The following URGCP variants were observed in gnomAD, a reference collection of about 807,000 sequenced individuals.
URGCP encodes the protein upregulator of cell proliferation.
URGCP carries 13 observed loss-of-function variants against 24.6 expected under a neutral mutation model. That is an observed-to-expected ratio of 0.53 (90% CI 0.34 to 0.84). The LOEUF (loss-of-function observed/expected upper bound fraction) is 0.84. URGCP is among the 40% of genes least tolerant of loss of function. URGCP has a pLI of 0.01. For synonymous variants in URGCP, 444 were observed against 487.2 expected (o/e 0.91, Z 1.17); for missense variants, 899 against 1,194.3 (o/e 0.75, Z 3.64).
At position 43,918,976 on chromosome 7, in the gene URGCP, C is replaced by A; in HGVS notation, c.-116+7156G>T. On this transcript the variant is annotated intron_variant, in intron 1 of 5. Transcript: ENST00000426198. Reference sequence around the variant, plus strand: ...TACAACCCAGAGAACATCTACCTGTCGGAGCATGGGGGAAGAGCTGGCAAC... The same window carrying A: ...TACAACCCAGAGAACATCTACCTGTAGGAGCATGGGGGAAGAGCTGGCAAC... 5 of 1,307,470 alleles carry A rather than the reference C, an allele frequency of 3.8e-6. No homozygotes were observed. The South Asian group carries it at 5.9e-5, about 15-fold the overall frequency. The allele number at this position is 1,307,470 out of a possible 1,614,324, so 81.0% of individuals were successfully genotyped here.
At chr7:43,916,281 C>T (rs897957073) in intron 1 of URGCP, among the ~76,000 whole-genome samples, 2 of 152,164 alleles carry the variant, frequency 1.3e-5, no homozygotes, top group Non-Finnish European at 2.9e-5. Context: ...GGCTTCTCTA[C>T]GCTACAGGCT....
rs2095849532 is a variant in URGCP at position 43,878,786 on chromosome 7, G to A, written c.677C>T (p.Thr226Ile). ...GCCCCGCATGGCCCACAGCAGAAAT[G>A]TATGGTAGTGGTTCTCCGAGTCAGG... ...VLPDSENHYHTFLLWAMRGIV... is the reference protein window; with the variant it reads ...VLPDSENHYHIFLLWAMRGIV... Residue 226 changes from threonine (T) to isoleucine (I), a missense_variant, in exon 6 of 6, where the codon ACA (threonine) becomes ATA (isoleucine). Transcript: ENST00000453200. This position sits in a 1 kb window ranked among gnomAD's most constrained non-coding sequence, Gnocchi z 5.6. The A allele has an allele frequency of 1.2e-6, 2 of 1,614,072 alleles. No homozygotes were observed. The highest frequency in any genetic ancestry group is 1.7e-6 in the Non-Finnish European group (2 of 1,179,970).
intron 1 of URGCP, among the ~76,000 whole-genome samples, chr7:43,920,677 T>C (rs2095921271): frequency 6.6e-6 from 1 of 152,238 alleles, no homozygotes; most frequent in South Asian, 2.1e-4. Context: ...TTCTCCATTT[T>C]GTCTTGCTAC....
Position 43,906,586 on chromosome 7 carries a change from A to T in URGCP, c.-11T>A. ...CCCGGGCGACGCCATGAGCGCAGCG[A>T]GGTCTCCGCTCCCGCCTCCTTCGCT... On this transcript the variant is annotated 5_prime_UTR_variant, in exon 1 of 6. Coordinates refer to ENST00000453200, the MANE Select transcript of URGCP (RefSeq NM_001077663.3). The T allele has an allele frequency of 8.1e-7, 1 of 1,233,782 alleles. No homozygotes were observed. The highest frequency in any genetic ancestry group is 3.5e-5 in the Admixed American group (1 of 28,292). The allele number at this position is 1,233,782 out of a possible 1,614,324, so 76.4% of individuals were successfully genotyped here. A position where few individuals can be genotyped will look rare whatever the true frequency, so the allele number is the denominator to read the frequency against.
chr7:43,877,611 G>C lies in URGCP; in HGVS notation c.1852C>G (p.Arg618Gly). 6.2e-7 allele frequency: 1 copy of C among 1,614,152 alleles called. No individual in the cohort carries two copies. Among genetic ancestry groups the C allele is most frequent in the Non-Finnish European group, 8.5e-7 (1 of 1,180,038 alleles). The change falls in exon 6 of 6, where the codon CGG becomes GGG. Residue 618 changes from arginine (R) to glycine (G), a missense_variant. By Grantham distance (125) the Arg-to-Gly change is moderately radical. Transcript: ENST00000453200. The stretch of plus-strand genomic sequence containing the variant: ...GCCTCATAAAACTGTCCCATCTCCC[G>C]CAAGAAGTGTTCCACCCCTAGGGGC... ...PEPLGVEHFL[R>G]EMGQFYEAES...
At position 43,881,980 on chromosome 7, in the gene URGCP, TAC is replaced by T; in HGVS notation, c.113-25_113-24del. On this transcript the variant is annotated intron_variant, in intron 3 of 5. Coordinates refer to ENST00000453200, the MANE Select transcript of URGCP (RefSeq NM_001077663.3). The stretch of plus-strand genomic sequence containing the variant: ...AATCTAGAAGAAAAAAGAAACCAAA[TAC>T]ATTTAGTTTCATCAGCAAGTTAGAA... The T allele has an allele frequency of 1.9e-6, 3 of 1,613,946 alleles. No homozygotes were observed. In the African/African-American group the frequency reaches 4.0e-5, roughly 22 times the overall value.
rs547243422 is a variant in URGCP at position 43,882,089 on chromosome 7, G to T, written c.113-132C>A. 710 of 1,471,538 alleles carry T rather than the reference G, an allele frequency of 4.8e-4. 7 individuals are homozygous for T. Among genetic ancestry groups the T allele is most frequent in the Middle Eastern group, 3.9e-3 (18 of 4,604 alleles). 91.2% of individuals were successfully genotyped at this position (1,471,538 alleles called of 1,614,324 possible). A position where few individuals can be genotyped will look rare whatever the true frequency, so the allele number is the denominator to read the frequency against. ...TGAACAAGAGGAGTGCTTGAGTCCA[G>T]GAGTTTGAGACCAGCCTGGGCAACA... is the stretch of plus-strand genomic sequence containing the variant. On this transcript the variant is annotated intron_variant, in intron 3 of 5. Coordinates refer to ENST00000453200, the MANE Select transcript of URGCP (RefSeq NM_001077663.3).
chr7:43,877,659 C>A lies in URGCP; in HGVS notation c.1804G>T (p.Val602Leu). ...LRPKHGGTTD[V>L]GEPLWPEPLG... is the part of the protein sequence containing the mutation. ...GGCTCAGGCCAGAGCGGCTCCCCCA[C>A]GTCTGTGGTGCCCCCATGCTTTGGT... Residue 602 changes from valine (V) to leucine (L), a missense_variant, in exon 6 of 6, where the codon GTG becomes TTG. Coordinates refer to ENST00000453200, the MANE Select transcript of URGCP (RefSeq NM_001077663.3). 1 of 1,614,122 alleles carries A rather than the reference C, an allele frequency of 6.2e-7. No homozygotes were observed. Among genetic ancestry groups the A allele is most frequent in the Non-Finnish European group, 8.5e-7 (1 of 1,180,036 alleles).
intron 3 of URGCP, among the ~76,000 whole-genome samples, chr7:43,883,232 AG>A (rs1220059506): frequency 6.6e-6 from 1 of 151,022 alleles, no homozygotes; most frequent in Non-Finnish European, 1.5e-5. Flanking sequence ...CTTAGGAAGG[AG>A]GGAGCAAGAC....
Position 43,877,837 on chromosome 7 carries a change from A to G in URGCP, c.1626T>C (p.His542=). 2.5e-6 allele frequency: 4 copies of G among 1,610,440 alleles called. 1 individual carries two copies. The highest frequency in any genetic ancestry group is 1.7e-4 in the Middle Eastern group (1 of 6,036). The part of the protein sequence containing the change: ...LLELRMQQNG[H]DPSSGVQEFI... The stretch of plus-strand genomic sequence containing the variant: ...ACTCCTGCACCCCCGAGGAGGGATC[A>G]TGGCCGTTCTGCTGCATTCGAAGTT... The change falls in exon 6 of 6, where the codon CAT becomes CAC. Residue 542 remains histidine, a synonymous_variant. Transcript: ENST00000453200.
upstream of URGCP, among the ~76,000 whole-genome samples, chr7:43,910,477 C>G (rs1426572276): frequency 1.3e-5 from 2 of 149,144 alleles, no homozygotes; most frequent in African/African-American, 5.0e-5. Flanking sequence ...CAATAACCTG[C>G]CTCAGCCTCC....
rs2095846199 is a variant in URGCP, at chr7:43,877,301, T to C, written c.2162A>G (p.Lys721Arg). 6.2e-7 allele frequency: 1 copy of C among 1,613,348 alleles called. No individual in the cohort carries two copies. Among genetic ancestry groups the C allele is most frequent in the Non-Finnish European group, 8.5e-7 (1 of 1,180,026 alleles). Residue 721 changes from lysine to arginine, a missense_variant, in exon 6 of 6, where the codon AAG becomes AGG. By Grantham distance (26) the Lys-to-Arg change is conservative (BLOSUM62 2). Transcript: ENST00000453200. ...TMFGLRFATG[K>R]SCGPRGAFMQ... is the part of the protein sequence containing the mutation. The stretch of plus-strand genomic sequence containing the variant: ...GAAGGCCCCTCGAGGACCGCAGCTC[T>C]TCCCTGTGGCAAACCGCAGCCCAAA...
Position 43,884,837 on chromosome 7 carries a change from T to G in URGCP, c.112+2578A>C, listed in dbSNP as rs548549681. ...GTGATGGAGTGAGACAAAAATAGAA[T>G]GAGCTATGAAGTAGAATCTTCAGAG... On this transcript the variant is annotated intron_variant, in intron 3 of 5. Coordinates refer to ENST00000453200, the MANE Select transcript of URGCP (RefSeq NM_001077663.3). Among the ~76,000 whole-genome samples, 100 of 152,136 alleles carry G rather than the reference T, an allele frequency of 6.6e-4. 1 individual carries two copies. In the South Asian group the frequency reaches 0.02, roughly 31 times the overall value.
At chr7:43,900,730 C>T (rs948537202) in intron 1 of URGCP, among the ~76,000 whole-genome samples, 24 of 152,190 alleles carry the variant, frequency 1.6e-4, no homozygotes, top group African/African-American at 3.4e-4. Context: ...GGATTACAGG[C>T]GTAAGCCACT....
chr7:43,901,359 TGAGTG>T (rs1046916341), intron 1 of URGCP, among the ~76,000 whole-genome samples: 1 of 152,076 alleles, frequency 6.6e-6, no homozygotes, highest in African/African-American at 2.4e-5. Flanking sequence ...CATGGGCAGG[TGAGTG>T]AAGTTTGGAG....
Position 43,879,205 on chromosome 7 carries a change from C to T in URGCP, c.258G>A (p.Gln86=). The T allele has an allele frequency of 6.2e-7, 1 of 1,613,646 alleles. No individual in the cohort carries two copies. The highest frequency in any genetic ancestry group is 1.7e-5 in the Admixed American group (1 of 60,004). ...AGTCCTGGAGGCTGAGTTTCTGGAC[C>T]TGGTACGTCTCTAGGCCCAAAAGTG... ...MLSLLGLETY[Q]VQKLSLQDSL... Residue 86 remains glutamine (Q), a synonymous_variant, in exon 6 of 6, where the codon CAG becomes CAA. Transcript: ENST00000453200.
chr7:43,882,263 C>T (rs1303263117), intron 3 of URGCP, among the ~76,000 whole-genome samples: 2 of 152,084 alleles, frequency 1.3e-5, no homozygotes, highest in African/African-American at 4.8e-5. Flanking sequence ...GCCAACATGG[C>T]GAAAAACCAT....
In URGCP at chr7:43,877,257, C is replaced by A. The variant is rs1258196257; in HGVS notation, c.2206G>T (p.Ala736Ser). 1 of 1,614,138 alleles carries A rather than the reference C, an allele frequency of 6.2e-7. No homozygotes were observed. The change falls in exon 6 of 6, where the codon GCT becomes TCT. Residue 736 changes from alanine (A) to serine (S), a missense_variant. Ala to Ser is a moderately conservative substitution (Grantham distance 99). Transcript: ENST00000453200. The stretch of plus-strand genomic sequence containing the variant: ...CCCAGGTCCTGGCTGAAGCCCTCAG[C>A]CACTGTGATGAGCTGCATGAAGGCC... ...RGAFMQLITV[A>S]EGFSQDLGCD...
chr7:43,908,998 A>G (rs2095907208), upstream of URGCP, among the ~76,000 whole-genome samples: 1 of 152,238 alleles, frequency 6.6e-6, no homozygotes, highest in Non-Finnish European at 1.5e-5. Flanking sequence ...ACTGTTGGAC[A>G]TAAATATTGC....
Sources: gnomAD v4.1 joint callset for allele counts (sites outside exome capture counted in the v4.1 genomes callset) on GRCh38, gnomAD v4.1.1 for gene constraint, Gnocchi (gnomAD v3.1) non-coding constraint, MANE v1.5 for transcripts, NCBI Gene and HGNC (gene_info 2026-07-23, HGNC 2026-07-21) for gene names.